LRRC7: variants seen among roughly 807,000 people sequenced by gnomAD.
The protein encoded by LRRC7 is leucine rich repeat containing 7.
A neutral mutation model predicts 175.7 loss-of-function variants in LRRC7; 23 were observed. The observed-to-expected ratio is 0.13, with a 90% CI of 0.09 to 0.19. The LOEUF (loss-of-function observed/expected upper bound fraction) is 0.19, where lower values mean the gene tolerates loss of function less well. LRRC7 is among the 10% of genes least tolerant of loss of function. The pLI is 1.00. For missense variants in LRRC7, 1,354 were observed against 1,904.7 expected, an observed-to-expected ratio of 0.71 and a Z score of 5.38; for synonymous variants, 685 against 680.9, an observed-to-expected ratio of 1.01 and a Z score of -0.09.
intron 11 of LRRC7, among the ~76,000 whole-genome samples, chr1:70,003,894 T>C (rs774220555): frequency 1.3e-5 from 2 of 152,176 alleles, no homozygotes; most frequent in Non-Finnish European, 2.9e-5. Context: ...TCTCTACTCA[T>C]CAGTTGCAGA....
chr1:69,929,740 C>T (rs1451932730), intron 7 of LRRC7, among the ~76,000 whole-genome samples: 1 of 152,172 alleles, frequency 6.6e-6, no homozygotes, highest in Non-Finnish European at 1.5e-5. Context: ...CACAGATATT[C>T]TTCTAAAACA....
At chr1:69,663,738 G>A (rs1489107589) in intron 1 of LRRC7, among the ~76,000 whole-genome samples, 9 of 103,604 alleles carry the variant, frequency 8.7e-5, no homozygotes, top group Admixed American at 2.6e-4. Context: ...TTTTTGAGAC[G>A]GAGTCTCGCT....
rs111268418 is a variant in LRRC7 at position 69,960,788 on chromosome 1, TA to T, written c.712-19582del. ...AATAAAATTCAACATCTCTTTATGT[TA>T]AAAAAAAACTCTCAATAAACTAGGT... is the stretch of plus-strand genomic sequence containing the variant. On this transcript the variant is annotated intron_variant, in intron 8 of 26. Coordinates refer to ENST00000651989, the MANE Select transcript of LRRC7 (RefSeq NM_001370785.2). 8.0e-5 allele frequency among the ~76,000 whole-genome samples: 12 copies of T among 150,872 alleles called. No individual in the cohort carries two copies. In the East Asian group the frequency reaches 9.7e-4, roughly 12 times the overall value.
Position 69,586,960 on chromosome 1 carries a change from C to T in LRRC7, c.2+18319C>T, listed in dbSNP as rs1430806577. On this transcript the variant is annotated intron_variant, in intron 1 of 26. Coordinates refer to ENST00000651989, the MANE Select transcript of LRRC7 (RefSeq NM_001370785.2). ...CTCCCAAAATGTTCTTGCTGTTTCA[C>T]ATTTATATCTAAATAATGACATTTG... Among the ~76,000 whole-genome samples, 3 of 152,164 alleles carry T rather than the reference C, an allele frequency of 2.0e-5. No individual in the cohort carries two copies. In the East Asian group the frequency reaches 5.8e-4, roughly 29 times the overall value.
chr1:69,745,112 CA>C (rs1669115516), intron 2 of LRRC7, among the ~76,000 whole-genome samples: 1 of 151,856 alleles, frequency 6.6e-6, no homozygotes, highest in Non-Finnish European at 1.5e-5. Context: ...AAAGCTATGG[CA>C]TTGGCAGATG....
chr1:70,042,854 A>G (rs957720340), intron 21 of LRRC7, among the ~76,000 whole-genome samples: 1 of 152,218 alleles, frequency 6.6e-6, no homozygotes, highest in Non-Finnish European at 1.5e-5. Context: ...GGAGGATAAT[A>G]ATCTTTCAGC....
chr1:69,796,807 A>G (rs1360569638), intron 4 of LRRC7, among the ~76,000 whole-genome samples: 4 of 152,162 alleles, frequency 2.6e-5, no homozygotes, highest in African/African-American at 9.6e-5. Flanking sequence ...AAAAAAAACA[A>G]AAAACAACAA....
chr1:69,774,850 A>G lies in LRRC7; in HGVS notation c.303+14457A>G, dbSNP rs1008165740. Among the ~76,000 whole-genome samples the G allele has an allele frequency of 1.1e-4, 16 of 152,152 alleles. 1 individual carries two copies. The highest frequency in any genetic ancestry group is 1.0e-3 in the Admixed American group (16 of 15,272). ...TTTCAAGTGCCATAATATGAAATAA[A>G]TACACGATCTCTACAATTGATAGAA... On this transcript the variant is annotated intron_variant, in intron 3 of 26. Transcript: ENST00000651989.
chr1:69,836,292 T>C (rs1414096200), intron 6 of LRRC7, among the ~76,000 whole-genome samples: 1 of 152,008 alleles, frequency 6.6e-6, no homozygotes, highest in Non-Finnish European at 1.5e-5. Context: ...GTTTTAAAAT[T>C]CACAGAGCAT....
intron 7 of LRRC7, among the ~76,000 whole-genome samples, chr1:69,889,844 G>C (rs1353785353): frequency 6.6e-6 from 1 of 151,736 alleles, no homozygotes; most frequent in Non-Finnish European, 1.5e-5. Flanking sequence ...AAGGAGAGGA[G>C]GAGGAGGAGG....
intron 4 of LRRC7, among the ~76,000 whole-genome samples, chr1:69,815,602 T>A (rs1460320656): frequency 6.6e-6 from 1 of 152,226 alleles, no homozygotes; most frequent in Non-Finnish European, 1.5e-5. Context: ...GCTCTTTCAA[T>A]GACAGCCATT....
intron 2 of LRRC7, among the ~76,000 whole-genome samples, chr1:69,750,061 AAAATAAATAAAT>A (rs368323946): frequency 0.011 from 1,555 of 139,180 alleles, 26 homozygotes; most frequent in Middle Eastern, 0.044. Flanking sequence ...CTATGTCTCA[AAAATAAATAAAT>A]AAATAAATAA....
intron 2 of LRRC7, among the ~76,000 whole-genome samples, chr1:69,699,793 TC>T (rs1227743869): frequency 6.6e-6 from 1 of 152,202 alleles, no homozygotes; most frequent in East Asian, 1.9e-4. Flanking sequence ...TTTTTTGCTT[TC>T]AGCATGGAGA....
chr1:69,988,120 C>T (rs563077935), intron 10 of LRRC7, among the ~76,000 whole-genome samples: 154 of 152,330 alleles, frequency 1.0e-3, no homozygotes, highest in African/African-American at 3.5e-3. Flanking sequence ...TACACTCCTA[C>T]TCACCACCAT....
At chr1:69,900,719 G>A (rs1313564188) in intron 7 of LRRC7, among the ~76,000 whole-genome samples, 2 of 152,060 alleles carry the variant, frequency 1.3e-5, no homozygotes, top group African/African-American at 4.8e-5. Flanking sequence ...CATCACGTTG[G>A]CACTCAAAAT....
At chr1:69,620,100 C>A (rs2100309638) in intron 1 of LRRC7, among the ~76,000 whole-genome samples, 1 of 152,270 alleles carries the variant, frequency 6.6e-6, no homozygotes, top group Non-Finnish European at 1.5e-5. Flanking sequence ...CTGGATTCTT[C>A]ATATGCAGAA....
In LRRC7 at chr1:70,121,809, A is replaced by G; in HGVS notation, c.4650A>G (p.Glu1550=). Residue 1550 remains glutamate (E), a synonymous_variant, in exon 27 of 27, where the codon GAA becomes GAG. Transcript: ENST00000651989. ...QANGHSFVHM[E]HEKAVLLLKS... is the part of the protein sequence containing the mutation. ...ATGGACACAGTTTTGTACATATGGA[A>G]CATGAAAAAGCTGTATTACTACTGA... is the stretch of plus-strand genomic sequence containing the variant. The G allele has an allele frequency of 6.2e-7, 1 of 1,612,258 alleles. No homozygotes were observed. The highest frequency in any genetic ancestry group is 1.3e-5 in the African/African-American group (1 of 74,996).
chr1:70,133,302 C>T lies in LRRC7; in HGVS notation c.*11415C>T, dbSNP rs1666748723. 6.6e-6 allele frequency among the ~76,000 whole-genome samples: 1 copy of T among 151,996 alleles called. No individual in the cohort carries two copies. The highest frequency in any genetic ancestry group is 1.5e-5 in the Non-Finnish European group (1 of 67,998). The stretch of plus-strand genomic sequence containing the variant: ...GTGGCGCGATCTCGGCTCACTGCAA[C>T]CTCCACCTCCTGGGTTCAAACGATT... On this transcript the variant is annotated 3_prime_UTR_variant, in exon 27 of 27. Coordinates refer to ENST00000651989, the MANE Select transcript of LRRC7 (RefSeq NM_001370785.2).
intron 2 of LRRC7, among the ~76,000 whole-genome samples, chr1:69,695,261 G>A (rs1034895106): frequency 6.6e-5 from 10 of 152,220 alleles, no homozygotes; most frequent in African/African-American, 2.4e-4. Flanking sequence ...CTAGGAATAT[G>A]TGGAAGTTTG....
Sources: allele counts gnomAD v4.1 joint callset (sites outside exome capture counted in the v4.1 genomes callset), GRCh38; gene constraint gnomAD v4.1.1; transcripts MANE v1.5; gene names NCBI Gene and HGNC (gene_info 2026-07-23, HGNC 2026-07-21).